RSRC1: variants seen among roughly 807,000 people sequenced by gnomAD.
RSRC1 encodes arginine and serine rich coiled-coil 1.
A neutral mutation model predicts 49.1 loss-of-function variants in RSRC1; 39 were observed. The ratio of observed to expected loss-of-function variants is 0.79; its 90% confidence interval spans 0.61 to 1.04. The LOEUF (loss-of-function observed/expected upper bound fraction) is 1.04, where lower values mean the gene tolerates loss of function less well. Among genes scored for constraint, RSRC1 ranks in the 50% least tolerant of loss-of-function variants. The pLI, the probability that RSRC1 is intolerant of heterozygous loss-of-function variation, is 0.00. For synonymous variants in RSRC1, 143 were observed against 130.8 expected (o/e 1.09, Z -0.63); for missense variants, 388 against 402.4 (o/e 0.96, Z 0.31).
intron 7 of RSRC1, among the ~76,000 whole-genome samples, chr3:158,496,024 A>G (rs1739304835): frequency 6.6e-6 from 1 of 152,196 alleles, no homozygotes. Flanking sequence ...AAGTGTACAT[A>G]AAAGAGAAAT....
At chr3:158,515,018 C>T (rs1317472487) in intron 7 of RSRC1, among the ~76,000 whole-genome samples, 1 of 151,414 alleles carries the variant, frequency 6.6e-6, no homozygotes, top group Non-Finnish European at 1.5e-5. Context: ...TGTCTCTGCA[C>T]TTGAGATGGG....
At chr3:158,434,124 G>A (rs1023756201) in intron 6 of RSRC1, among the ~76,000 whole-genome samples, 6 of 151,832 alleles carry the variant, frequency 4.0e-5, no homozygotes, top group African/African-American at 9.7e-5. Context: ...CAGTTTTCCC[G>A]ATTCCGAGGC....
At chr3:158,350,335 G>A (rs936107248) in intron 5 of RSRC1, among the ~76,000 whole-genome samples, 1 of 151,796 alleles carries the variant, frequency 6.6e-6, no homozygotes, top group Non-Finnish European at 1.5e-5. Context: ...ATGACACCAT[G>A]TCTAATTTTT....
chr3:158,192,500 G>A (rs1322483221), intron 3 of RSRC1, among the ~76,000 whole-genome samples: 2 of 152,038 alleles, frequency 1.3e-5, no homozygotes, highest in East Asian at 3.9e-4. Flanking sequence ...AATTGGTAAG[G>A]TGGGAGAAGT....
chr3:158,379,906 A>AT (rs142408613), intron 6 of RSRC1, among the ~76,000 whole-genome samples: 11 of 147,514 alleles, frequency 7.5e-5, no homozygotes, highest in East Asian at 6.1e-4. Flanking sequence ...TCTCTAGTTA[A>AT]TTTTTTTTTT....
chr3:158,311,052 C>T (rs755869874), intron 5 of RSRC1, among the ~76,000 whole-genome samples: 3 of 151,816 alleles, frequency 2.0e-5, no homozygotes, highest in Admixed American at 6.6e-5. Context: ...TTAAAATACA[C>T]GTGCTTGCTT....
At chr3:158,527,100 T>A (rs1372444763) in intron 7 of RSRC1, among the ~76,000 whole-genome samples, 3 of 117,034 alleles carry the variant, frequency 2.6e-5, no homozygotes, top group Non-Finnish European at 5.4e-5. Flanking sequence ...TTTTTTTTTT[T>A]ACTGGTAGAA....
rs144533141 is a variant in RSRC1 at position 158,208,885 on chromosome 3, C to T, written c.494+5640C>T. Among the ~76,000 whole-genome samples, 17 of 152,286 alleles carry T rather than the reference C, an allele frequency of 1.1e-4. No homozygotes were observed. In the East Asian group the frequency reaches 3.3e-3, roughly 29 times the overall value. On this transcript the variant is annotated intron_variant, in intron 4 of 9. Transcript: ENST00000611884. ...ATGTTATACATCCTATCTAAGTCTT[C>T]TGTGGATTAACATATTATTGGACCT...
intron 6 of RSRC1, among the ~76,000 whole-genome samples, chr3:158,359,762 G>A (rs1334995507): frequency 6.6e-6 from 1 of 152,182 alleles, no homozygotes; most frequent in Non-Finnish European, 1.5e-5. Flanking sequence ...TCTCAGTCCT[G>A]TTTGTGTTAT....
At chr3:158,379,712 A>G (rs748059412) in intron 6 of RSRC1, among the ~76,000 whole-genome samples, 15 of 151,784 alleles carry the variant, frequency 9.9e-5, no homozygotes, top group Non-Finnish European at 1.8e-4. Flanking sequence ...CCAAATAGCT[A>G]TAGTACCTAG....
intron 7 of RSRC1, among the ~76,000 whole-genome samples, chr3:158,524,088 C>A (rs1048211754): frequency 2.0e-5 from 3 of 152,080 alleles, no homozygotes; most frequent in African/African-American, 7.2e-5. Context: ...TGAAGAATTT[C>A]ATCTCACCTG....
intron 4 of RSRC1, among the ~76,000 whole-genome samples, chr3:158,210,024 T>A (rs1179410395): frequency 6.6e-6 from 1 of 152,082 alleles, no homozygotes; most frequent in Non-Finnish European, 1.5e-5. Context: ...TGGTAGAAGA[T>A]GTTGGGAGTG....
intron 5 of RSRC1, among the ~76,000 whole-genome samples, chr3:158,309,991 A>C (rs1030405669): frequency 4.6e-5 from 7 of 151,724 alleles, no homozygotes; most frequent in African/African-American, 1.7e-4. Context: ...GTATTAAACC[A>C]TAGGAGTAGA....
intron 6 of RSRC1, among the ~76,000 whole-genome samples, chr3:158,451,159 A>G (rs1160776018): frequency 6.6e-6 from 1 of 151,926 alleles, no homozygotes; most frequent in Non-Finnish European, 1.5e-5. Flanking sequence ...TTCTTATATA[A>G]CTAAGTTCAT....
At chr3:158,373,596 CT>C (rs569459426) in intron 6 of RSRC1, among the ~76,000 whole-genome samples, 1 of 151,554 alleles carries the variant, frequency 6.6e-6, no homozygotes, top group Non-Finnish European at 1.5e-5. Flanking sequence ...GCATGATATA[CT>C]TTTTTTTGTA....
chr3:158,361,578 T>C (rs1455928493), intron 6 of RSRC1, among the ~76,000 whole-genome samples: 1 of 152,228 alleles, frequency 6.6e-6, no homozygotes, highest in Non-Finnish European at 1.5e-5. Flanking sequence ...GGGTATCATA[T>C]GTTAATGCCA....
chr3:158,228,775 A>G (rs570840481), intron 4 of RSRC1, among the ~76,000 whole-genome samples: 18 of 151,334 alleles, frequency 1.2e-4, no homozygotes, highest in East Asian at 9.7e-4. Flanking sequence ...GTATATATAT[A>G]TGTGTGTGTG....
At chr3:158,191,507 C>T (rs886338946) in intron 3 of RSRC1, among the ~76,000 whole-genome samples, 9 of 151,858 alleles carry the variant, frequency 5.9e-5, no homozygotes, top group Non-Finnish European at 1.2e-4. Flanking sequence ...TTTTTTAAGT[C>T]AGTAATTCAT....
intron 6 of RSRC1, among the ~76,000 whole-genome samples, chr3:158,419,585 G>A (rs1734928975): frequency 6.6e-6 from 1 of 151,832 alleles, no homozygotes; most frequent in Non-Finnish European, 1.5e-5. Context: ...CTAAAATCAT[G>A]TGATTGATGA....
Sources: allele counts gnomAD v4.1 joint callset (sites outside exome capture counted in the v4.1 genomes callset), GRCh38; gene constraint gnomAD v4.1.1; transcripts MANE v1.5; gene names NCBI Gene and HGNC (gene_info 2026-07-23, HGNC 2026-07-21).